GPM6A: variants seen among roughly 807,000 people sequenced by gnomAD.
The protein encoded by GPM6A is neuronal membrane glycoprotein M6-a.
Under a neutral mutation model 32.1 loss-of-function variants are expected in GPM6A, and 7 were observed. The observed-to-expected ratio is 0.22, with a 90% confidence interval of 0.12 to 0.41. The LOEUF is 0.41. Among genes scored for constraint, GPM6A ranks in the 10% least tolerant of loss-of-function variants. The pLI, the probability that GPM6A is intolerant of heterozygous loss-of-function variation, is 1.00. For synonymous variants in GPM6A, 130 were observed against 123.4 expected, an observed-to-expected ratio of 1.05 and a Z score of -0.35; for missense variants, 235 against 347.2, an observed-to-expected ratio of 0.68 and a Z score of 2.57.
At chr4:175,762,564 GATTTAAATGTCCGAATCT>G (rs1732791283) in intron 1 of GPM6A, among the ~76,000 whole-genome samples, 1 of 152,012 alleles carries the variant, frequency 6.6e-6, no homozygotes, top group African/African-American at 2.4e-5. Flanking sequence ...GCAGACAAAG[GATTTAAATGTCCGAATCT>G]AAGTATTCAC....
chr4:175,955,679 G>A (rs1739961921), intron 1 of GPM6A, among the ~76,000 whole-genome samples: 1 of 152,146 alleles, frequency 6.6e-6, no homozygotes, highest in Admixed American at 6.5e-5. Context: ...TCAGTAATAA[G>A]GAATAACTTC....
At chr4:175,812,639 T>G (rs775785036), upstream of GPM6A, 14 of 989,916 alleles carry the variant, frequency 1.4e-5, no homozygotes, top group Non-Finnish European at 1.7e-5. Context: ...TTGAGGTTTG[T>G]ATTGAAATCT....
chr4:175,959,348 G>T (rs1327064538), intron 1 of GPM6A, among the ~76,000 whole-genome samples: 1 of 151,938 alleles, frequency 6.6e-6, no homozygotes, highest in African/African-American at 2.4e-5. Flanking sequence ...TATGATTCAG[G>T]TACTGCACAT....
intron 1 of GPM6A, chr4:175,787,440 C>T: frequency 6.6e-7 from 1 of 1,509,486 alleles, no homozygotes. Flanking sequence ...GACAATTTAA[C>T]ATTCTGTTTC....
chr4:175,708,154 G>C (rs997451292), intron 1 of GPM6A, among the ~76,000 whole-genome samples: 2 of 152,056 alleles, frequency 1.3e-5, no homozygotes, highest in African/African-American at 4.8e-5. Flanking sequence ...GTGCAAGCAA[G>C]ATTATAAACA....
At chr4:175,792,206 A>G (rs1734038437) in intron 1 of GPM6A, among the ~76,000 whole-genome samples, 1 of 152,164 alleles carries the variant, frequency 6.6e-6, no homozygotes, top group East Asian at 1.9e-4. Flanking sequence ...CCCTCTGTTT[A>G]CTGCTAGTAA....
intron 1 of GPM6A, among the ~76,000 whole-genome samples, chr4:175,896,875 A>G (rs191793265): frequency 5.3e-5 from 8 of 152,300 alleles, no homozygotes; most frequent in African/African-American, 1.9e-4. Flanking sequence ...TTTGTTTCAA[A>G]TCACCCAGAA....
chr4:175,835,655 G>T (rs1260175746), intron 1 of GPM6A, among the ~76,000 whole-genome samples: 1 of 137,932 alleles, frequency 7.2e-6, no homozygotes, highest in Non-Finnish European at 1.6e-5. Flanking sequence ...ATATATGCTT[G>T]TATGTTTGTG....
intron 2 of GPM6A, among the ~76,000 whole-genome samples, chr4:175,685,400 G>A (rs1243715171): frequency 6.6e-6 from 1 of 152,146 alleles, no homozygotes; most frequent in African/African-American, 2.4e-5. Context: ...CCAACTTCAT[G>A]TAAGTTTTGA....
chr4:175,921,980 G>A (rs1738683000), intron 1 of GPM6A, among the ~76,000 whole-genome samples: 1 of 152,124 alleles, frequency 6.6e-6, no homozygotes, highest in South Asian at 2.1e-4. Context: ...GCTTCTCAGG[G>A]AGTAATAGAA....
intron 1 of GPM6A, among the ~76,000 whole-genome samples, chr4:175,724,456 A>G (rs914951957): frequency 2.0e-5 from 3 of 152,076 alleles, no homozygotes; most frequent in African/African-American, 7.2e-5. Context: ...AGGTGGGGGG[A>G]ATCGCTTGAA....
At chr4:175,734,551 T>A (rs1731574416) in intron 1 of GPM6A, among the ~76,000 whole-genome samples, 1 of 149,678 alleles carries the variant, frequency 6.7e-6, no homozygotes, top group African/African-American at 2.4e-5. Flanking sequence ...TCAAATGTAA[T>A]CAGTCCTTTA....
At chr4:175,917,808 T>C (rs966648311) in intron 1 of GPM6A, among the ~76,000 whole-genome samples, 1 of 151,820 alleles carries the variant, frequency 6.6e-6, no homozygotes, top group African/African-American at 2.4e-5. Flanking sequence ...GAAAAAAAGC[T>C]TTCTAAAGAA....
chr4:175,880,846 C>G (rs1737250462), intron 1 of GPM6A, among the ~76,000 whole-genome samples: 1 of 152,188 alleles, frequency 6.6e-6, no homozygotes, highest in Non-Finnish European at 1.5e-5. Flanking sequence ...GACAATTTGA[C>G]TTCCTCTTTT....
At chr4:175,707,665 A>C (rs988339838) in intron 1 of GPM6A, among the ~76,000 whole-genome samples, 1 of 151,682 alleles carries the variant, frequency 6.6e-6, no homozygotes, top group African/African-American at 2.4e-5. Flanking sequence ...TGTGCCTTTT[A>C]CTTTATCTTC....
chr4:175,872,234 C>G (rs893434015), intron 1 of GPM6A, among the ~76,000 whole-genome samples: 3 of 152,148 alleles, frequency 2.0e-5, no homozygotes, highest in Non-Finnish European at 1.5e-5. Flanking sequence ...TTCTACACAC[C>G]TCTGCAAGCT....
chr4:175,974,188 C>T (rs1254733425), intron 1 of GPM6A, among the ~76,000 whole-genome samples: 1 of 152,090 alleles, frequency 6.6e-6, no homozygotes, highest in African/African-American at 2.4e-5. Context: ...TGAGATCATG[C>T]TACTGCACTC....
chr4:175,919,526 A>G (rs908489563), intron 1 of GPM6A, among the ~76,000 whole-genome samples: 4 of 152,222 alleles, frequency 2.6e-5, no homozygotes, highest in African/African-American at 4.8e-5. Context: ...AAGTTTGCCA[A>G]TGACTTTCCA....
chr4:175,832,782 GAGAA>G (rs1735655074), intron 1 of GPM6A, among the ~76,000 whole-genome samples: 2 of 152,168 alleles, frequency 1.3e-5, no homozygotes, highest in Admixed American at 6.5e-5. Context: ...TTTAATGCAA[GAGAA>G]AGAAAACCAG....
Sources: allele counts gnomAD v4.1 joint callset (sites outside exome capture counted in the v4.1 genomes callset), GRCh38; gene constraint gnomAD v4.1.1; transcripts MANE v1.5; gene names NCBI Gene and HGNC (gene_info 2026-07-23, HGNC 2026-07-21).